Variants in GPC5 observed in about 807,000 individuals in gnomAD.
GPC5 encodes glypican-5.
In GPC5, 47 loss-of-function variants were observed where a neutral mutation model predicts 53.9. The observed-to-expected ratio is 0.87, with a 90% CI of 0.69 to 1.11. The LOEUF (loss-of-function observed/expected upper bound fraction) is 1.11, where lower values mean the gene tolerates loss of function less well. Among genes scored for constraint, GPC5 ranks in the 50% most tolerant of loss-of-function variants. GPC5 has a pLI of 0.00. For missense variants in GPC5, 748 were observed against 713.1 expected (o/e 1.05, Z -0.56); for synonymous variants, 286 against 263.3 (o/e 1.09, Z -0.84).
At chr13:91,985,193 A>G (rs992013481) in intron 6 of GPC5, among the ~76,000 whole-genome samples, 2 of 152,098 alleles carry the variant, frequency 1.3e-5, no homozygotes, top group Admixed American at 6.5e-5. Flanking sequence ...TGCCCCTTTT[A>G]TCGTTGTAAA....
intron 7 of GPC5, among the ~76,000 whole-genome samples, chr13:92,662,869 C>T (rs1428036059): frequency 6.6e-6 from 1 of 152,188 alleles, no homozygotes; most frequent in Non-Finnish European, 1.5e-5. Context: ...TCCTTCTCTT[C>T]CTTGCCCTGC....
intron 7 of GPC5, among the ~76,000 whole-genome samples, chr13:92,235,218 G>A (rs922475830): frequency 1.3e-5 from 2 of 151,956 alleles, no homozygotes; most frequent in Non-Finnish European, 2.9e-5. Context: ...ATCAAAAATT[G>A]TTGCCTTTTA....
At chr13:92,502,887 T>C (rs1174788346) in intron 7 of GPC5, among the ~76,000 whole-genome samples, 1 of 152,014 alleles carries the variant, frequency 6.6e-6, no homozygotes, top group African/African-American at 2.4e-5. Context: ...CAGCAGTGCA[T>C]ACATTTTTCC....
intron 6 of GPC5, among the ~76,000 whole-genome samples, chr13:92,127,329 G>A (rs1300679684): frequency 6.7e-6 from 1 of 149,542 alleles, no homozygotes; most frequent in Admixed American, 6.7e-5. Flanking sequence ...ATGTGTATGT[G>A]TATATATATA....
intron 6 of GPC5, among the ~76,000 whole-genome samples, chr13:92,002,850 G>T (rs1184300477): frequency 1.3e-5 from 2 of 152,194 alleles, no homozygotes; most frequent in Non-Finnish European, 2.9e-5. Context: ...TCTTCCCTGT[G>T]CCAGCACTCT....
chr13:92,522,716 A>G (rs1056211589), intron 7 of GPC5, among the ~76,000 whole-genome samples: 4 of 152,182 alleles, frequency 2.6e-5, no homozygotes, highest in Non-Finnish European at 4.4e-5. Flanking sequence ...ATGTATGCAT[A>G]TGTAACAAAC....
At chr13:91,907,226 C>T (rs1282695785) in intron 5 of GPC5, among the ~76,000 whole-genome samples, 1 of 149,000 alleles carries the variant, frequency 6.7e-6, no homozygotes, top group African/African-American at 2.4e-5. Context: ...ATTCTTAACT[C>T]TAAGTCCCTC....
intron 7 of GPC5, among the ~76,000 whole-genome samples, chr13:92,571,053 A>G (rs937085581): frequency 6.6e-6 from 1 of 152,090 alleles, no homozygotes; most frequent in Non-Finnish European, 1.5e-5. Context: ...TGTCTAACAT[A>G]GTTGGGGAGA....
chr13:92,125,374 A>C (rs978536684), intron 6 of GPC5, among the ~76,000 whole-genome samples: 3 of 152,162 alleles, frequency 2.0e-5, no homozygotes, highest in Admixed American at 1.3e-4. Flanking sequence ...CATATAAATA[A>C]ATAATAAAGA....
chr13:92,296,857 CT>C, intron 7 of GPC5, among the ~76,000 whole-genome samples: 1 of 152,336 alleles, frequency 6.6e-6, no homozygotes, highest in Non-Finnish European at 1.5e-5. Context: ...TGCCGGCCCA[CT>C]GGCGCTGTGC....
rs573189461 is a variant in GPC5, at chr13:91,854,046, T to TA, written c.1281-53890dup. 5.1e-4 allele frequency among the ~76,000 whole-genome samples: 78 copies of TA among 151,884 alleles called. 1 individual carries two copies. The highest frequency in any genetic ancestry group is 1.8e-3 in the African/African-American group (76 of 41,486). Reference sequence around the variant, plus strand: ...CTGTTAGAAGGTTTATTTATGCACTTACTCTGTCGCTTTCCAACCCCTTCA... The same window carrying TA: ...CTGTTAGAAGGTTTATTTATGCACTTAACTCTGTCGCTTTCCAACCCCTTCA... On this transcript the variant is annotated intron_variant, in intron 5 of 7. Transcript: ENST00000377067.
intron 6 of GPC5, among the ~76,000 whole-genome samples, chr13:91,993,316 T>C (rs2040473879): frequency 6.6e-6 from 1 of 152,186 alleles, no homozygotes; most frequent in Non-Finnish European, 1.5e-5. Context: ...CTTTAAAATG[T>C]GTCACGTTAT....
intron 7 of GPC5, among the ~76,000 whole-genome samples, chr13:92,434,506 A>G (rs560127549): frequency 2.6e-5 from 4 of 152,200 alleles, no homozygotes; most frequent in Non-Finnish European, 4.4e-5. Context: ...TGGAAAAAAT[A>G]TTGGAAAAAT....
intron 6 of GPC5, among the ~76,000 whole-genome samples, chr13:91,973,954 A>G (rs931270478): frequency 1.3e-5 from 2 of 152,224 alleles, no homozygotes; most frequent in African/African-American, 4.8e-5. Flanking sequence ...AGGAGGCAGT[A>G]TGCCCGTTCT....
At chr13:92,228,797 G>A (rs924859318) in intron 7 of GPC5, among the ~76,000 whole-genome samples, 1 of 151,950 alleles carries the variant, frequency 6.6e-6, no homozygotes, top group Non-Finnish European at 1.5e-5. Flanking sequence ...AAGAACTTGG[G>A]AATTCATCAC....
intron 6 of GPC5, among the ~76,000 whole-genome samples, chr13:92,113,680 GAA>G (rs2041576222): frequency 2.0e-5 from 3 of 151,966 alleles, no homozygotes; most frequent in African/African-American, 7.2e-5. Flanking sequence ...AATCATAAAT[GAA>G]ATATCTACCA....
At chr13:92,436,974 T>C (rs1363803525) in intron 7 of GPC5, among the ~76,000 whole-genome samples, 1 of 152,108 alleles carries the variant, frequency 6.6e-6, no homozygotes, top group Non-Finnish European at 1.5e-5. Context: ...CATGACAAAA[T>C]ATAAAAAAGG....
rs1886789006 is a variant in GPC5, at chr13:92,672,618, A to T, written c.1562-193664A>T. On this transcript the variant is annotated intron_variant, in intron 7 of 7. Coordinates refer to ENST00000377067, the MANE Select transcript of GPC5 (RefSeq NM_004466.6). ...TGCAGCACTATTCACAATAGCAAAGACATAGAACCAACCAAAATGGAAATC... is the reference window on the plus strand; with the variant it reads ...TGCAGCACTATTCACAATAGCAAAGTCATAGAACCAACCAAAATGGAAATC... 2.0e-5 allele frequency among the ~76,000 whole-genome samples: 3 copies of T among 152,186 alleles called. No homozygotes were observed. In the South Asian group the frequency reaches 6.2e-4, roughly 31 times the overall value.
At chr13:91,770,653 C>G (rs911129553) in intron 5 of GPC5, among the ~76,000 whole-genome samples, 1 of 151,434 alleles carries the variant, frequency 6.6e-6, no homozygotes, top group Non-Finnish European at 1.5e-5. Context: ...TGAAAATTAT[C>G]CCAGTCGCCG....
Sources: gnomAD v4.1 joint callset for allele counts (sites outside exome capture counted in the v4.1 genomes callset) on GRCh38, gnomAD v4.1.1 for gene constraint, MANE v1.5 for transcripts, NCBI Gene and HGNC (gene_info 2026-07-23, HGNC 2026-07-21) for gene names.